The following LRP1B variants were observed in gnomAD, a reference collection of about 807,000 sequenced individuals.
LRP1B encodes the protein low-density lipoprotein receptor-related protein 1B.
LRP1B carries 217 observed loss-of-function variants against 556.6 expected under a neutral mutation model. That is an observed-to-expected ratio of 0.39 (90% CI 0.35 to 0.44). The LOEUF (loss-of-function observed/expected upper bound fraction) is 0.44. LRP1B is among the 20% of genes least tolerant of loss of function. The pLI is 1.00. For missense variants in LRP1B, 5,053 were observed against 5,620.8 expected (o/e 0.90, Z 3.23); for synonymous variants, 2,047 against 1,865.8 (o/e 1.10, Z -2.50).
At chr2:141,130,549 G>A (rs1359176716) in intron 7 of LRP1B, among the ~76,000 whole-genome samples, 2 of 151,986 alleles carry the variant, frequency 1.3e-5, no homozygotes, top group Admixed American at 6.6e-5. Context: ...TAAAAGATGT[G>A]TAAATTTTAC....
intron 23 of LRP1B, among the ~76,000 whole-genome samples, chr2:140,888,047 T>C (rs766673291): frequency 6.6e-6 from 1 of 152,172 alleles, no homozygotes; most frequent in Non-Finnish European, 1.5e-5. Flanking sequence ...ACATCTGTTA[T>C]TTAAAAAATG....
chr2:140,729,810 T>C (rs770825629), intron 35 of LRP1B, among the ~76,000 whole-genome samples: 2 of 152,178 alleles, frequency 1.3e-5, no homozygotes, highest in Non-Finnish European at 2.9e-5. Context: ...AGTTAGCTAC[T>C]TAGAAGATAG....
intron 27 of LRP1B, among the ~76,000 whole-genome samples, chr2:140,855,820 T>C (rs1261444331): frequency 6.6e-6 from 1 of 152,118 alleles, no homozygotes; most frequent in African/African-American, 2.4e-5. Context: ...AGAGCGAGAC[T>C]GTCTCTAAAA....
intron 1 of LRP1B, among the ~76,000 whole-genome samples, chr2:141,950,364 T>G (rs750876416): frequency 7.2e-5 from 11 of 152,208 alleles, no homozygotes; most frequent in Non-Finnish European, 1.3e-4. Flanking sequence ...CTCAGGACAT[T>G]TAACTATAAA....
intron 41 of LRP1B, among the ~76,000 whole-genome samples, chr2:140,628,471 A>G (rs896750291): frequency 6.6e-6 from 1 of 151,050 alleles, no homozygotes; most frequent in African/African-American, 2.4e-5. Context: ...CGGGAGGCGG[A>G]GCTTGCAGTG....
chr2:141,363,687 A>G (rs575644531), intron 3 of LRP1B, among the ~76,000 whole-genome samples: 5 of 152,222 alleles, frequency 3.3e-5, no homozygotes, highest in African/African-American at 1.2e-4. Flanking sequence ...CTTATTTGGT[A>G]TTTTACATGT....
intron 7 of LRP1B, 38 bp downstream of exon 7, chr2:141,188,383 A>C: frequency 2.5e-6 from 4 of 1,587,388 alleles, no homozygotes; most frequent in Non-Finnish European, 3.4e-6. Context: ...TTTTAAACGC[A>C]AACTTTTTTA....
At chr2:141,321,010 T>C (rs971357650) in intron 3 of LRP1B, among the ~76,000 whole-genome samples, 5 of 152,140 alleles carry the variant, frequency 3.3e-5, no homozygotes, top group Admixed American at 6.6e-5. Context: ...AATCATAGCT[T>C]CCTCTTTATC....
chr2:141,064,964 C>A (rs968951543), intron 7 of LRP1B, among the ~76,000 whole-genome samples: 3 of 151,948 alleles, frequency 2.0e-5, no homozygotes, highest in Admixed American at 2.0e-4. Context: ...TCCTGTGGAT[C>A]CTTATGATTT....
At chr2:142,066,390 T>C (rs989412284) in intron 1 of LRP1B, among the ~76,000 whole-genome samples, 13 of 151,626 alleles carry the variant, frequency 8.6e-5, no homozygotes, top group African/African-American at 2.9e-4. Context: ...AATCTCCCCA[T>C]GTACATATCC....
At chr2:141,223,413 G>T (rs1475898704) in intron 6 of LRP1B, among the ~76,000 whole-genome samples, 1 of 152,098 alleles carries the variant, frequency 6.6e-6, no homozygotes, top group Non-Finnish European at 1.5e-5. Flanking sequence ...AACATTTTGT[G>T]CTCATGGATA....
At chr2:141,693,008 T>G (rs560161110) in intron 2 of LRP1B, among the ~76,000 whole-genome samples, 5 of 151,978 alleles carry the variant, frequency 3.3e-5, no homozygotes, top group Non-Finnish European at 7.4e-5. Flanking sequence ...TTATCAAGAA[T>G]TTCAAGAGGG....
At chr2:141,566,827 C>G (rs1022892736) in intron 2 of LRP1B, among the ~76,000 whole-genome samples, 1 of 152,040 alleles carries the variant, frequency 6.6e-6, no homozygotes, top group East Asian at 1.9e-4. Context: ...CCACTGCACT[C>G]CAGCTTGGAC....
intron 32 of LRP1B, among the ~76,000 whole-genome samples, chr2:140,779,749 T>TGA (rs140016990): frequency 4.7e-5 from 5 of 105,854 alleles, no homozygotes; most frequent in East Asian, 5.0e-4. Flanking sequence ...TGTCTCTCTG[T>TGA]GAGAGAGTGT....
intron 35 of LRP1B, among the ~76,000 whole-genome samples, chr2:140,721,908 A>T (rs1687418218): frequency 6.6e-6 from 1 of 151,820 alleles, no homozygotes; most frequent in African/African-American, 2.4e-5. Context: ...AAGTATATAA[A>T]TTTTAAGTGT....
intron 7 of LRP1B, among the ~76,000 whole-genome samples, chr2:141,071,217 A>G (rs200294949): frequency 0.032 from 4,791 of 149,808 alleles, 88 homozygotes; most frequent in South Asian, 0.071. Context: ...AAATCAATAA[A>G]TGTAATCCAG....
intron 18 of LRP1B, among the ~76,000 whole-genome samples, chr2:140,972,915 A>T (rs1027043156): frequency 6.9e-6 from 1 of 144,408 alleles, no homozygotes; most frequent in Non-Finnish European, 1.5e-5. Flanking sequence ...AGTATGCAAG[A>T]ATAAATTTTT....
At position 140,660,978 on chromosome 2, in the gene LRP1B, CTCT is replaced by C. The variant is rs533037911; in HGVS notation, c.6799+39269_6799+39271del. Among the ~76,000 whole-genome samples, 94 of 151,512 alleles carry C rather than the reference CTCT, an allele frequency of 6.2e-4. 2 individuals are homozygous for C. The highest frequency in any genetic ancestry group is 1.2e-3 in the Admixed American group (18 of 15,202). ...TTAATATTATTAATAATCATGTTCT[CTCT>C]TCTTCTGCTTTTGTTAACTCCTAAG... On this transcript the variant is annotated intron_variant, in intron 41 of 90. Coordinates refer to ENST00000389484, the MANE Select transcript of LRP1B (RefSeq NM_018557.3).
Position 140,907,878 on chromosome 2 carries a change from A to G in LRP1B, c.3519T>C (p.Cys1173=), listed in dbSNP as rs772099171. 6.2e-7 allele frequency: 1 copy of G among 1,613,260 alleles called. No individual in the cohort carries two copies. The highest frequency in any genetic ancestry group is 8.5e-7 in the Non-Finnish European group (1 of 1,179,376). ...TCAGTACAATTAAACATGCAATACCACAGAGATAGCCTTCATCAGAGCCAT... is the reference window on the plus strand; with the variant it reads ...TCAGTACAATTAAACATGCAATACCGCAGAGATAGCCTTCATCAGAGCCAT... ...CPDGSDEGYL[C]DECSLNNGGC... is the part of the protein sequence containing the mutation. The change falls in exon 22 of 91, where the codon TGT becomes TGC. Residue 1173 remains cysteine, a splice_region_variant and synonymous_variant. Coordinates refer to ENST00000389484, the MANE Select transcript of LRP1B (RefSeq NM_018557.3).
Sources: gnomAD v4.1 joint callset for allele counts (sites outside exome capture counted in the v4.1 genomes callset) on GRCh38, gnomAD v4.1.1 for gene constraint, MANE v1.5 for transcripts, NCBI Gene and HGNC (gene_info 2026-07-23, HGNC 2026-07-21) for gene names.